The following TGFB1 variants were observed in gnomAD, a reference collection of about 807,000 sequenced individuals.
The protein encoded by TGFB1 is transforming growth factor beta 1.
Under a neutral mutation model 43.8 loss-of-function variants are expected in TGFB1, and 19 were observed. The ratio of observed to expected loss-of-function variants is 0.43; its 90% CI spans 0.30 to 0.64. TGFB1 has a LOEUF of 0.64. Ranked by LOEUF, TGFB1 falls within the 30% of genes least tolerant of loss-of-function variation. TGFB1 has a pLI of 0.11. For missense variants in TGFB1, 445 were observed against 529.8 expected, an observed-to-expected ratio of 0.84 and a Z score of 1.57; for synonymous variants, 221 against 236.3, an observed-to-expected ratio of 0.94 and a Z score of 0.60.
intron 5 of TGFB1, among the ~76,000 whole-genome samples, chr19:41,334,377 A>AAAAGAAAAGAAAAAAG (rs934038763): frequency 7.4e-4 from 112 of 151,568 alleles, no homozygotes; most frequent in African/African-American, 2.6e-3. Context: ...CTCTGTCTTG[A>AAAAGAAAAGAAAAAAG]AAAGAAAAGA....
At chr19:41,344,698 G>A (rs997045212) in intron 3 of TGFB1, 49 bp downstream of exon 3, 1 of 1,565,356 alleles carries the variant, frequency 6.4e-7, no homozygotes, top group Admixed American at 1.7e-5. Context: ...ACAAACAATG[G>A]GGTGGACCCC....
chr19:41,343,000 G>A (rs746693175), intron 3 of TGFB1, among the ~76,000 whole-genome samples: 1 of 152,094 alleles, frequency 6.6e-6, no homozygotes, highest in Non-Finnish European at 1.5e-5. Flanking sequence ...CTCCTACAAT[G>A]TGCCGAAGCC....
intron 5 of TGFB1, among the ~76,000 whole-genome samples, chr19:41,332,710 CAGAT>C (rs1255989813): frequency 6.6e-6 from 1 of 152,138 alleles, no homozygotes; most frequent in African/African-American, 2.4e-5. Flanking sequence ...ACAAATGAAA[CAGAT>C]AGAAATAGGC....
At position 41,335,107 on chromosome 19, in the gene TGFB1, C is replaced by T. The variant is rs1363474324; in HGVS notation, c.861-2826G>A. ...CCCTCCTGTTGCCCAGGCTGGAGTG[C>T]GATGGTGTGATCTCAGCTCACTGCA... On this transcript the variant is annotated intron_variant, in intron 5 of 6. Transcript: ENST00000221930. Among the ~76,000 whole-genome samples the T allele has an allele frequency of 2.0e-5, 3 of 150,624 alleles. 1 individual carries two copies. The highest frequency in any genetic ancestry group is 7.4e-5 in the African/African-American group (3 of 40,800).
At chr19:41,351,670 G>T (rs1339346451) in intron 1 of TGFB1, among the ~76,000 whole-genome samples, 1 of 152,120 alleles carries the variant, frequency 6.6e-6, no homozygotes, top group Non-Finnish European at 1.5e-5. Context: ...CCCCCCGCGC[G>T]TGGCACCCAC....
At position 41,340,513 on chromosome 19, in the gene TGFB1, C is replaced by G. The variant is rs11466336; in HGVS notation, c.860+1370G>C. ...GCCAGGCTGGTCTTGAACTCCAGACCTCAGGGATCCGCCCACCTCAGCCTC... is the reference window on the plus strand; with the variant it reads ...GCCAGGCTGGTCTTGAACTCCAGACGTCAGGGATCCGCCCACCTCAGCCTC... On this transcript the variant is annotated intron_variant, in intron 5 of 6. Coordinates refer to ENST00000221930, the MANE Select transcript of TGFB1 (RefSeq NM_000660.7). Among the ~76,000 whole-genome samples, 208 of 152,178 alleles carry G rather than the reference C, an allele frequency of 1.4e-3. 2 individuals are homozygous for G. The highest frequency in any genetic ancestry group is 4.9e-3 in the African/African-American group (204 of 41,522).
chr19:41,341,310 C>T (rs2038051898), intron 5 of TGFB1, among the ~76,000 whole-genome samples: 1 of 149,326 alleles, frequency 6.7e-6, no homozygotes, highest in Admixed American at 6.7e-5. Flanking sequence ...ACTAAAAATA[C>T]AAAAAAATTA....
At chr19:41,344,673 C>A in intron 3 of TGFB1, 74 bp downstream of exon 3, 2 of 1,417,514 alleles carry the variant, frequency 1.4e-6, no homozygotes, top group Admixed American at 1.7e-5. Flanking sequence ...GGGTCCTAGG[C>A]AAAGTGACCC....
At chr19:41,338,909 A>G (rs915681331) in intron 5 of TGFB1, among the ~76,000 whole-genome samples, 36 of 151,708 alleles carry the variant, frequency 2.4e-4, no homozygotes, top group Non-Finnish European at 5.0e-4. Context: ...GTAGGCTATT[A>G]ATAGTTAAGT....
chr19:41,346,496 C>T (rs2038117579), intron 2 of TGFB1, among the ~76,000 whole-genome samples: 1 of 152,156 alleles, frequency 6.6e-6, no homozygotes, highest in Non-Finnish European at 1.5e-5. Flanking sequence ...AATCTACCAT[C>T]CTATGAGTTA....
chr19:41,342,298 C>T, intron 3 of TGFB1, 51 bp from the exon 4 acceptor site: 1 of 1,548,936 alleles, frequency 6.5e-7, no homozygotes, highest in African/African-American at 1.4e-5. Flanking sequence ...CTCACCCAGC[C>T]CCTGGAGGAA....
intron 3 of TGFB1, among the ~76,000 whole-genome samples, chr19:41,343,528 A>G (rs931764373): frequency 6.6e-6 from 1 of 152,098 alleles, no homozygotes; most frequent in African/African-American, 2.4e-5. Context: ...TAGACTCCCC[A>G]GATGGGTCCA....
In TGFB1 at chr19:41,344,858, T is replaced by C. The variant is rs747738656; in HGVS notation, c.523A>G (p.Ser175Gly). The C allele has an allele frequency of 6.3e-7, 1 of 1,586,996 alleles. No homozygotes were observed. ...EQHVELYQKYSNNSWRYLSNR... is the reference protein window; with the variant it reads ...EQHVELYQKYGNNSWRYLSNR... ...CTGAGGTATCGCCAGGAATTGTTGC[T>C]GTATTTCTAGAGGATGATGAAGGCA... The change falls in exon 3 of 7, where the codon AGC becomes GGC. Residue 175 changes from serine to glycine, a missense_variant. Ser to Gly is a moderately conservative substitution (Grantham distance 56). Transcript: ENST00000221930.
chr19:41,341,954 G>A lies in TGFB1; in HGVS notation c.789C>T (p.Thr263=). 6.2e-7 allele frequency: 1 copy of A among 1,614,210 alleles called. No homozygotes were observed. The highest frequency in any genetic ancestry group is 1.1e-5 in the South Asian group (1 of 91,086). Reference sequence around the variant, plus strand: ...GCAGATGCTGGGCCCTCTCCAGCGGGGTGGCCATGAGAAGCAGGAAAGGCC... The same window carrying A: ...GCAGATGCTGGGCCCTCTCCAGCGGAGTGGCCATGAGAAGCAGGAAAGGCC... ...MNRPFLLLMA[T]PLERAQHLQS... Residue 263 remains threonine, a synonymous_variant, in exon 5 of 7, where the codon ACC becomes ACT. Transcript: ENST00000221930.
chr19:41,336,142 C>T (rs2037986000), intron 5 of TGFB1, among the ~76,000 whole-genome samples: 1 of 151,614 alleles, frequency 6.6e-6, no homozygotes, highest in African/African-American at 2.4e-5. Context: ...ATTACAGGCA[C>T]ACACCACCAT....
chr19:41,332,076 T>C, intron 6 of TGFB1, 52 bp downstream of exon 6: 1 of 1,580,116 alleles, frequency 6.3e-7, no homozygotes. Flanking sequence ...CTCCTCTTCC[T>C]CCGTCCTGGC....
intron 2 of TGFB1, 138 bp downstream of exon 2, chr19:41,348,157 T>G: frequency 1.0e-6 from 1 of 995,318 alleles, no homozygotes; most frequent in Non-Finnish European, 1.5e-6. Context: ...CGTTCTAGGA[T>G]TGTATGGTTT....
At chr19:41,341,512 C>T (rs1339873783) in intron 5 of TGFB1, among the ~76,000 whole-genome samples, 2 of 125,002 alleles carry the variant, frequency 1.6e-5, no homozygotes, top group Non-Finnish European at 3.4e-5. Flanking sequence ...CCCAACATTA[C>T]AAGACTCCCA....
chr19:41,353,278 T>C lies in TGFB1; in HGVS notation c.-234A>G, dbSNP rs960564042. 1.9e-6 allele frequency: 1 copy of C among 522,526 alleles called. No homozygotes were observed. The highest frequency in any genetic ancestry group is 3.3e-5 in the East Asian group (1 of 30,282). 32.4% of individuals were successfully genotyped at this position (522,526 alleles called of 1,614,324 possible). On this transcript the variant is annotated 5_prime_UTR_variant, in exon 1 of 7. Coordinates refer to ENST00000221930, the MANE Select transcript of TGFB1 (RefSeq NM_000660.7). This position sits in a 1 kb window ranked among gnomAD's most constrained non-coding sequence, Gnocchi z 5.9. ...GCGCGATCTGGTACCAGAAGGTGGGTGGTCTTGAATAGGGGATCTGTGGCA... is the reference window on the plus strand; with the variant it reads ...GCGCGATCTGGTACCAGAAGGTGGGCGGTCTTGAATAGGGGATCTGTGGCA...
Sources: gnomAD v4.1 joint callset for allele counts (sites outside exome capture counted in the v4.1 genomes callset) on GRCh38, gnomAD v4.1.1 for gene constraint, Gnocchi (gnomAD v3.1) non-coding constraint, MANE v1.5 for transcripts, NCBI Gene and HGNC (gene_info 2026-07-23, HGNC 2026-07-21) for gene names.